The following GLRA3 variants were observed in gnomAD, a reference collection of about 807,000 sequenced individuals.
GLRA3 encodes the protein glycine receptor subunit alpha-3.
A neutral mutation model predicts 60.4 loss-of-function variants in GLRA3; 44 were observed. The ratio of observed to expected loss-of-function variants is 0.73; its 90% CI spans 0.57 to 0.94. The LOEUF (loss-of-function observed/expected upper bound fraction) is 0.94. Among genes scored for constraint, GLRA3 ranks in the 40% least tolerant of loss-of-function variants. The pLI is 0.00. For missense variants in GLRA3, 508 were observed against 564.6 expected, an observed-to-expected ratio of 0.90 and a Z score of 1.02; for synonymous variants, 223 against 192.9, an observed-to-expected ratio of 1.16 and a Z score of -1.29.
chr4:174,661,269 T>G (rs967816378), intron 7 of GLRA3, among the ~76,000 whole-genome samples: 1 of 152,146 alleles, frequency 6.6e-6, no homozygotes, highest in African/African-American at 2.4e-5. Flanking sequence ...GAGCTTACAT[T>G]ACATCTCTAT....
intron 2 of GLRA3, among the ~76,000 whole-genome samples, chr4:174,774,574 C>A (rs189326949): frequency 6.6e-6 from 1 of 152,166 alleles, no homozygotes; most frequent in Admixed American, 6.6e-5. Flanking sequence ...AAATGCACTA[C>A]CTAATTTGAA....
chr4:174,683,053 G>A, intron 5 of GLRA3, 114 bp from the exon 6 acceptor site: 1 of 757,676 alleles, frequency 1.3e-6, no homozygotes, highest in Non-Finnish European at 2.2e-6. Context: ...TCATCTTATA[G>A]TAACTCTGTG....
At chr4:174,734,573 T>G (rs1193732080) in intron 3 of GLRA3, among the ~76,000 whole-genome samples, 1 of 152,010 alleles carries the variant, frequency 6.6e-6, no homozygotes, top group Non-Finnish European at 1.5e-5. Context: ...TGTACAATTA[T>G]TCTCCTAGAA....
intron 2 of GLRA3, among the ~76,000 whole-genome samples, chr4:174,776,988 T>A (rs1738628961): frequency 6.6e-6 from 1 of 152,100 alleles, no homozygotes; most frequent in Non-Finnish European, 1.5e-5. Context: ...ATTCTGTTTA[T>A]AATGTAGAGG....
At chr4:174,743,787 T>C (rs1190921506) in intron 3 of GLRA3, among the ~76,000 whole-genome samples, 1 of 152,242 alleles carries the variant, frequency 6.6e-6, no homozygotes, top group Non-Finnish European at 1.5e-5. Context: ...TTGAAACATT[T>C]TGTAATTTCT....
intron 2 of GLRA3, among the ~76,000 whole-genome samples, chr4:174,771,644 T>A (rs529904003): frequency 6.6e-6 from 1 of 152,226 alleles, no homozygotes; most frequent in African/African-American, 2.4e-5. Context: ...AGGAGGAAGC[T>A]ACTATTAGAC....
Position 174,778,911 on chromosome 4 carries a change from C to T in GLRA3, c.199+9905G>A, listed in dbSNP as rs557057125. ...GCTGGGGGAGGGGCGCCCGCCATTG[C>T]CCAGGCTTGCTTAGGTAAACAAAGC... is the stretch of plus-strand genomic sequence containing the variant. On this transcript the variant is annotated intron_variant, in intron 2 of 9. Transcript: ENST00000274093. Among the ~76,000 whole-genome samples the T allele has an allele frequency of 6.1e-3, 923 of 152,300 alleles. 10 individuals are homozygous for T. The highest frequency in any genetic ancestry group is 0.02 in the African/African-American group (847 of 41,552).
chr4:174,658,231 CTTTAAAAGACCATTTGCTTT>C lies in GLRA3; in HGVS notation c.1071+803_1071+822del, dbSNP rs576333952. Among the ~76,000 whole-genome samples the C allele has an allele frequency of 2.1e-3, 316 of 152,236 alleles. 1 individual carries two copies. The highest frequency in any genetic ancestry group is 7.0e-3 in the African/African-American group (291 of 41,558). On this transcript the variant is annotated intron_variant, in intron 8 of 9. Coordinates refer to ENST00000274093, the MANE Select transcript of GLRA3 (RefSeq NM_006529.4). Reference sequence around the variant, plus strand: ...AAAATTTTGACATTATTGTCCATTGCTTTAAAAGACCATTTGCTTTTAAAATGTCTGTTGGCACATTCACA... The same window carrying C: ...AAAATTTTGACATTATTGTCCATTGCTAAAATGTCTGTTGGCACATTCACA...
intron 2 of GLRA3, among the ~76,000 whole-genome samples, chr4:174,770,207 A>C (rs1452961844): frequency 1.3e-5 from 2 of 152,156 alleles, no homozygotes; most frequent in Non-Finnish European, 2.9e-5. Flanking sequence ...TAGGTTTCAA[A>C]GGCCTTTAAA....
intron 1 of GLRA3, among the ~76,000 whole-genome samples, chr4:174,826,031 C>A (rs1740953207): frequency 6.6e-6 from 1 of 152,088 alleles, no homozygotes; most frequent in Non-Finnish European, 1.5e-5. Context: ...AAGTTAAACA[C>A]ACCCATGCCT....
chr4:174,754,005 A>G (rs149718973), intron 3 of GLRA3, among the ~76,000 whole-genome samples: 1 of 152,026 alleles, frequency 6.6e-6, no homozygotes, highest in African/African-American at 2.4e-5. Context: ...TCTCCTTGAC[A>G]TTTCCCTCCA....
intron 1 of GLRA3, among the ~76,000 whole-genome samples, chr4:174,806,923 A>G (rs1740074989): frequency 6.6e-6 from 1 of 152,098 alleles, no homozygotes; most frequent in African/African-American, 2.4e-5. Flanking sequence ...TGAAATACCA[A>G]TAAAGTCTCT....
At chr4:174,741,058 G>A (rs1737003247) in intron 3 of GLRA3, among the ~76,000 whole-genome samples, 2 of 152,150 alleles carry the variant, frequency 1.3e-5, no homozygotes, top group Admixed American at 6.5e-5. Flanking sequence ...GGGATTTTAT[G>A]TAAGCATACG....
chr4:174,646,525 G>C (rs1285983069), intron 9 of GLRA3, among the ~76,000 whole-genome samples: 1 of 152,176 alleles, frequency 6.6e-6, no homozygotes, highest in African/African-American at 2.4e-5. Flanking sequence ...TGGGGGAGCT[G>C]TGTATTGGCC....
At chr4:174,677,529 T>C (rs1734181855) in intron 6 of GLRA3, among the ~76,000 whole-genome samples, 1 of 151,234 alleles carries the variant, frequency 6.6e-6, no homozygotes, top group African/African-American at 2.4e-5. Flanking sequence ...CCGGCTAATT[T>C]TTTTTTTTTT....
At chr4:174,748,606 T>C (rs543602836) in intron 3 of GLRA3, among the ~76,000 whole-genome samples, 48 of 152,234 alleles carry the variant, frequency 3.2e-4, no homozygotes, top group Middle Eastern at 3.4e-3. Context: ...GAACTAATCT[T>C]ATATAAAAGG....
At chr4:174,802,006 A>T (rs145782771) in intron 1 of GLRA3, among the ~76,000 whole-genome samples, 1 of 151,108 alleles carries the variant, frequency 6.6e-6, no homozygotes, top group Non-Finnish European at 1.5e-5. Context: ...CTAGATAAAT[A>T]TTTTTGAAAT....
chr4:174,767,140 ACAC>A, intron 2 of GLRA3, 110 bp from the exon 3 acceptor site: 1 of 580,470 alleles, frequency 1.7e-6, no homozygotes, highest in South Asian at 2.6e-5. Flanking sequence ...ACACACACAC[ACAC>A]ACACACACAC....
At chr4:174,691,594 G>A (rs1734809783) in intron 5 of GLRA3, among the ~76,000 whole-genome samples, 1 of 152,222 alleles carries the variant, frequency 6.6e-6, no homozygotes, top group African/African-American at 2.4e-5. Flanking sequence ...GGGTTTCGCT[G>A]TGTTGGCTGG....
Sources: allele counts gnomAD v4.1 joint callset (sites outside exome capture counted in the v4.1 genomes callset), GRCh38; gene constraint gnomAD v4.1.1; transcripts MANE v1.5; gene names NCBI Gene and HGNC (gene_info 2026-07-23, HGNC 2026-07-21).